Variants in ARHGEF3 observed in about 807,000 individuals in gnomAD.
ARHGEF3 encodes the protein 59.8 kDA protein.
Under a neutral mutation model 63.2 loss-of-function variants are expected in ARHGEF3, and 28 were observed. The observed-to-expected ratio is 0.44, with a 90% confidence interval of 0.33 to 0.61. The LOEUF (loss-of-function observed/expected upper bound fraction) is 0.61, where lower values mean the gene tolerates loss of function less well. ARHGEF3 is among the 20% of genes least tolerant of loss of function. ARHGEF3 has a pLI of 0.03. For missense variants in ARHGEF3, 533 were observed against 659.3 expected, an observed-to-expected ratio of 0.81 and a Z score of 2.10; for synonymous variants, 266 against 254.2, an observed-to-expected ratio of 1.05 and a Z score of -0.44.
At chr3:56,735,383 G>A (rs2033537539) in intron 8 of ARHGEF3, among the ~76,000 whole-genome samples, 1 of 151,860 alleles carries the variant, frequency 6.6e-6, no homozygotes, top group Non-Finnish European at 1.5e-5. Flanking sequence ...CAACTACTGT[G>A]CTTTTTTTCT....
chr3:56,983,147 T>C (rs182229744), intron 2 of ARHGEF3, among the ~76,000 whole-genome samples: 2 of 152,292 alleles, frequency 1.3e-5, no homozygotes, highest in African/African-American at 2.4e-5. Flanking sequence ...CCCTAGGGTG[T>C]ATGTATGTAT....
intron 2 of ARHGEF3, among the ~76,000 whole-genome samples, chr3:56,961,412 C>T (rs1360526568): frequency 6.6e-6 from 1 of 152,162 alleles, no homozygotes; most frequent in African/African-American, 2.4e-5. Context: ...CCAGATGTGT[C>T]TGACTCCAGA....
At chr3:56,824,995 C>G (rs1206115752) in intron 4 of ARHGEF3, among the ~76,000 whole-genome samples, 1 of 152,210 alleles carries the variant, frequency 6.6e-6, no homozygotes, top group Non-Finnish European at 1.5e-5. Flanking sequence ...GTTAATTATG[C>G]AGCACTGTTA....
intron 1 of ARHGEF3, among the ~76,000 whole-genome samples, chr3:56,796,077 C>T (rs1169191984): frequency 2.0e-5 from 3 of 152,196 alleles, no homozygotes; most frequent in African/African-American, 7.2e-5. Context: ...CGGCAATTTC[C>T]TCATTTTGTG....
At chr3:56,765,244 G>T (rs995736368) in intron 2 of ARHGEF3, among the ~76,000 whole-genome samples, 1 of 152,070 alleles carries the variant, frequency 6.6e-6, no homozygotes, top group African/African-American at 2.4e-5. Context: ...TTTTGTTTTA[G>T]GCTTTTAGCA....
At chr3:56,778,076 C>T (rs927644930) in intron 1 of ARHGEF3, among the ~76,000 whole-genome samples, 7 of 152,128 alleles carry the variant, frequency 4.6e-5, no homozygotes, top group Admixed American at 6.5e-5. Context: ...TTCTAGGTGG[C>T]TTTCATTGTC....
intron 3 of ARHGEF3, chr3:56,940,628 G>C (rs1424961026): frequency 6.6e-6 from 1 of 152,122 alleles, no homozygotes; most frequent in Non-Finnish European, 1.5e-5. Context: ...GAAGGGAAAT[G>C]AGACAAGCAG....
In ARHGEF3 at chr3:56,868,275, T is replaced by C. The variant is rs547249601; in HGVS notation, c.192+14017A>G. 3.2e-4 allele frequency among the ~76,000 whole-genome samples: 48 copies of C among 152,108 alleles called. No individual in the cohort carries two copies. The South Asian group carries it at 9.7e-3, about 31-fold the overall frequency. On this transcript the variant is annotated intron_variant, in intron 4 of 12. Coordinates refer to the ARHGEF3 transcript ENST00000338458. ...TCTCAAGGTTGGCTTTTACATAAAATAAAGTGAAGCACCTTCCCGACTGAA... is the reference window on the plus strand; with the variant it reads ...TCTCAAGGTTGGCTTTTACATAAAACAAAGTGAAGCACCTTCCCGACTGAA...
At chr3:56,913,516 G>T (rs1219442747) in intron 3 of ARHGEF3, among the ~76,000 whole-genome samples, 1 of 152,184 alleles carries the variant, frequency 6.6e-6, no homozygotes, top group African/African-American at 2.4e-5. Context: ...AGAAGTGTTG[G>T]TGAGGATGTG....
At chr3:57,002,480 T>TATATATATATAG in intron 2 of ARHGEF3, among the ~76,000 whole-genome samples, 1 of 5,570 alleles carries the variant, frequency 1.8e-4, no homozygotes. Context: ...ATATATATGT[T>TATATATATATAG]ATATATATAT....
intron 4 of ARHGEF3, among the ~76,000 whole-genome samples, chr3:56,823,728 C>T (rs1416949871): frequency 2.0e-5 from 3 of 152,066 alleles, no homozygotes; most frequent in African/African-American, 4.8e-5. Flanking sequence ...TTTTAACTGC[C>T]AGAACCAGGG....
intron 3 of ARHGEF3, among the ~76,000 whole-genome samples, chr3:56,890,104 T>C (rs887389500): frequency 6.6e-6 from 1 of 152,202 alleles, no homozygotes; most frequent in African/African-American, 2.4e-5. Flanking sequence ...TTTAAAATCA[T>C]ATGTGTTTTA....
chr3:56,883,263 G>A (rs577499292), intron 3 of ARHGEF3, among the ~76,000 whole-genome samples: 9 of 152,034 alleles, frequency 5.9e-5, no homozygotes, highest in Non-Finnish European at 7.4e-5. Flanking sequence ...TTTATGACCA[G>A]GGCAGTCTGC....
chr3:56,744,833 T>C (rs953445399), intron 7 of ARHGEF3, among the ~76,000 whole-genome samples: 1 of 152,024 alleles, frequency 6.6e-6, no homozygotes, highest in African/African-American at 2.4e-5. Flanking sequence ...CAAATGAGTT[T>C]TGGGGCTAGG....
intron 4 of ARHGEF3, among the ~76,000 whole-genome samples, chr3:56,808,573 G>C (rs2037949905): frequency 6.6e-6 from 1 of 152,090 alleles, no homozygotes. Context: ...CTAGGCAACA[G>C]AGTGAGAACC....
At chr3:56,920,825 G>A (rs1195093194) in intron 3 of ARHGEF3, among the ~76,000 whole-genome samples, 1 of 152,064 alleles carries the variant, frequency 6.6e-6, no homozygotes, top group African/African-American at 2.4e-5. Flanking sequence ...GGCCGAGGCG[G>A]GCAGATCACG....
At chr3:56,931,997 C>T (rs2042424422) in intron 3 of ARHGEF3, among the ~76,000 whole-genome samples, 1 of 152,096 alleles carries the variant, frequency 6.6e-6, no homozygotes, top group Non-Finnish European at 1.5e-5. Context: ...AGACAAAATT[C>T]CTCCAAGTTC....
intron 2 of ARHGEF3, among the ~76,000 whole-genome samples, chr3:56,988,980 T>C (rs924011647): frequency 2.6e-5 from 4 of 152,092 alleles, no homozygotes; most frequent in African/African-American, 9.7e-5. Flanking sequence ...GGACTCAAAG[T>C]TAAATTACAA....
intron 6 of ARHGEF3, among the ~76,000 whole-genome samples, chr3:56,749,659 T>C (rs933752385): frequency 3.3e-5 from 5 of 152,232 alleles, no homozygotes; most frequent in African/African-American, 4.8e-5. Flanking sequence ...AGTTAAAACA[T>C]CTACGATGGC....
Sources: gnomAD v4.1 joint callset for allele counts (sites outside exome capture counted in the v4.1 genomes callset) on GRCh38, gnomAD v4.1.1 for gene constraint, MANE v1.5 for transcripts, NCBI Gene and HGNC (gene_info 2026-07-23, HGNC 2026-07-21) for gene names.